The following OSBPL8 variants were observed in gnomAD, a reference collection of about 807,000 sequenced individuals.
OSBPL8 encodes the protein oxysterol-binding protein-related protein 8.
Under a neutral mutation model 125.5 loss-of-function variants are expected in OSBPL8, and 59 were observed. That is an observed-to-expected ratio of 0.47 (90% CI 0.38 to 0.58). The LOEUF is 0.58. OSBPL8 is among the 20% of genes least tolerant of loss of function. The pLI is 0.00. For missense variants in OSBPL8, 758 were observed against 1,047.8 expected, an observed-to-expected ratio of 0.72 and a Z score of 3.82; for synonymous variants, 330 against 338.9, an observed-to-expected ratio of 0.97 and a Z score of 0.29.
At chr12:76,356,177 T>C (rs1592504848) in intron 23 of OSBPL8, among the ~76,000 whole-genome samples, 156 bp from the exon 24 acceptor site, 1 of 142,410 alleles carries the variant, frequency 7.0e-6, no homozygotes, top group Non-Finnish European at 1.5e-5. Flanking sequence ...GGGGGCGGGG[T>C]CTGGGACTGC....
At chr12:76,502,049 A>G (rs1879956916) in intron 1 of OSBPL8, among the ~76,000 whole-genome samples, 1 of 152,228 alleles carries the variant, frequency 6.6e-6, no homozygotes. Flanking sequence ...CATGTTCCCC[A>G]ACATCATGAA....
rs558796732 is a variant in OSBPL8, at chr12:76,454,555, G to A, written c.80-3567C>T. 4.6e-5 allele frequency among the ~76,000 whole-genome samples: 7 copies of A among 151,592 alleles called. No individual in the cohort carries two copies. In the South Asian group the frequency reaches 1.2e-3, roughly 27 times the overall value. ...ATAAAAATTAAAAAAAGTTAGCTGG[G>A]CGTGGTAGCTCACACTGTAATCCTA... is the stretch of plus-strand genomic sequence containing the variant. On this transcript the variant is annotated intron_variant, in intron 3 of 23. Transcript: ENST00000261183.
chr12:76,395,035 C>G (rs1045516488), intron 8 of OSBPL8, among the ~76,000 whole-genome samples: 2 of 152,050 alleles, frequency 1.3e-5, no homozygotes, highest in Non-Finnish European at 2.9e-5. Context: ...TTAACAATGT[C>G]CATCCCATGG....
intron 2 of OSBPL8, among the ~76,000 whole-genome samples, chr12:76,478,106 G>A (rs1322757160): frequency 6.6e-6 from 1 of 152,026 alleles, no homozygotes; most frequent in African/African-American, 2.4e-5. Flanking sequence ...GAAGGCTGAG[G>A]TAGAAGAATT....
chr12:76,505,399 T>C (rs531714120), intron 1 of OSBPL8, among the ~76,000 whole-genome samples: 1 of 152,310 alleles, frequency 6.6e-6, no homozygotes, highest in Admixed American at 6.5e-5. Flanking sequence ...TTTATCACCA[T>C]CTAATTCCCC....
chr12:76,462,903 A>T (rs758715491), intron 2 of OSBPL8, among the ~76,000 whole-genome samples: 16 of 152,196 alleles, frequency 1.1e-4, no homozygotes, highest in Non-Finnish European at 2.4e-4. Flanking sequence ...ATGAGGCTGG[A>T]ATGCAATGCA....
Position 76,391,948 on chromosome 12 carries a change from T to C in OSBPL8, c.929+633A>G, listed in dbSNP as rs774733805. Among the ~76,000 whole-genome samples, 31 of 152,074 alleles carry C rather than the reference T, an allele frequency of 2.0e-4. No individual in the cohort carries two copies. In the East Asian group the frequency reaches 4.2e-3, roughly 21 times the overall value. On this transcript the variant is annotated intron_variant, in intron 10 of 23. Transcript: ENST00000261183. Reference sequence around the variant, plus strand: ...CCAAGGGGTGGGGACAGGGAGGAAATAGAAAAGTCTAATGTTTTTCCTGCA... The same window carrying C: ...CCAAGGGGTGGGGACAGGGAGGAAACAGAAAAGTCTAATGTTTTTCCTGCA...
chr12:76,413,778 TA>T (rs531291467), intron 4 of OSBPL8, among the ~76,000 whole-genome samples: 129 of 150,024 alleles, frequency 8.6e-4, no homozygotes, highest in African/African-American at 2.5e-3. Flanking sequence ...TTTTGTACAT[TA>T]AAAAAAAAAT....
At chr12:76,414,619 TTTG>T (rs61191654) in intron 4 of OSBPL8, among the ~76,000 whole-genome samples, 4 of 151,296 alleles carry the variant, frequency 2.6e-5, no homozygotes, top group East Asian at 1.9e-4. Context: ...GCCTGACTTT[TTTG>T]TTGTTGTTGT....
In OSBPL8 at chr12:76,394,515, A is replaced by T. The variant is rs1953711470; in HGVS notation, c.757+130T>A. On this transcript the variant is annotated intron_variant, in intron 9 of 23. Coordinates refer to ENST00000261183, the MANE Select transcript of OSBPL8 (RefSeq NM_020841.5). ...ACTCATATATTTAGCATTCAAAACA[A>T]TTTATGATTACCATGCTTCTGCTGC... 3.3e-5 allele frequency: 22 copies of T among 673,610 alleles called. No homozygotes were observed. The South Asian group carries it at 3.3e-4, about 10-fold the overall frequency. 41.7% of individuals were successfully genotyped at this position (673,610 alleles called of 1,614,324 possible).
At chr12:76,472,069 C>T (rs542361399) in intron 2 of OSBPL8, among the ~76,000 whole-genome samples, 66 of 152,240 alleles carry the variant, frequency 4.3e-4, no homozygotes, top group African/African-American at 1.5e-3. Flanking sequence ...ACATAATGCC[C>T]TAAAACTCAT....
intron 1 of OSBPL8, among the ~76,000 whole-genome samples, chr12:76,524,254 T>C (rs933210660): frequency 6.6e-6 from 1 of 152,150 alleles, no homozygotes; most frequent in Non-Finnish European, 1.5e-5. Context: ...GAAAGCAATA[T>C]AATAGCAGGC....
intron 1 of OSBPL8, among the ~76,000 whole-genome samples, chr12:76,551,829 T>A (rs1258455776): frequency 2.0e-5 from 3 of 152,218 alleles, no homozygotes; most frequent in Non-Finnish European, 4.4e-5. Flanking sequence ...TGGCTTATAC[T>A]TAAGGCAACA....
At chr12:76,391,088 C>G (rs1191454153) in intron 10 of OSBPL8, among the ~76,000 whole-genome samples, 1 of 151,988 alleles carries the variant, frequency 6.6e-6, no homozygotes, top group Non-Finnish European at 1.5e-5. Flanking sequence ...CAACTGAACT[C>G]AAATAAATTA....
At chr12:76,363,001 A>T (rs997444410) in intron 21 of OSBPL8, among the ~76,000 whole-genome samples, 6 of 152,212 alleles carry the variant, frequency 3.9e-5, no homozygotes, top group Non-Finnish European at 7.3e-5. Flanking sequence ...TTCAAGGATA[A>T]CTACAAACCA....
chr12:76,384,123 T>TA (rs1193736475), intron 15 of OSBPL8, 131 bp downstream of exon 15: 1 of 455,580 alleles, frequency 2.2e-6, no homozygotes, highest in Non-Finnish European at 3.9e-6. Context: ...AAAAAGCCAT[T>TA]ATTCAAGGAA....
At chr12:76,551,114 C>T (rs1467940143) in intron 1 of OSBPL8, among the ~76,000 whole-genome samples, 1 of 152,102 alleles carries the variant, frequency 6.6e-6, no homozygotes, top group Non-Finnish European at 1.5e-5. Flanking sequence ...CACACACACA[C>T]ACTAGAAACT....
At position 76,371,555 on chromosome 12, in the gene OSBPL8, CT is replaced by C; in HGVS notation, c.1946del (p.Lys649ArgfsTer20). On this transcript the variant is annotated frameshift_variant, in exon 19 of 24. Coordinates refer to ENST00000261183, the MANE Select transcript of OSBPL8 (RefSeq NM_020841.5). LOFTEE classifies it high-confidence loss of function. Reference protein sequence around the residue: ...WDSEVFITDKKTDNSEVFWNP... With the variant: ...WDSEVFITDKXTDNSEVFWNP... ...TCCAGAAAACCTCTGAATTATCAGT[CT>C]TTTTATCAGTAATAAAAACTTCACT... The C allele has an allele frequency of 6.2e-7, 1 of 1,607,826 alleles. No homozygotes were observed. The highest frequency in any genetic ancestry group is 8.5e-7 in the Non-Finnish European group (1 of 1,177,076).
Position 76,356,612 on chromosome 12 carries a change from C to A in OSBPL8, c.2537+14G>T. ...TTGGTCTCAAATGAATAGTCAGTGT[C>A]ATTATATTATTACCTTTTAATTTCT... On this transcript the variant is annotated intron_variant, in intron 23 of 23. Coordinates refer to ENST00000261183, the MANE Select transcript of OSBPL8 (RefSeq NM_020841.5). The A allele has an allele frequency of 2.0e-6, 3 of 1,512,746 alleles. No individual in the cohort carries two copies. Among genetic ancestry groups the A allele is most frequent in the South Asian group, 2.3e-5 (2 of 86,962 alleles). 93.7% of individuals were successfully genotyped at this position (1,512,746 alleles called of 1,614,324 possible).
Sources: gnomAD v4.1 joint callset for allele counts (sites outside exome capture counted in the v4.1 genomes callset) on GRCh38, gnomAD v4.1.1 for gene constraint, MANE v1.5 for transcripts, NCBI Gene and HGNC (gene_info 2026-07-23, HGNC 2026-07-21) for gene names.